Variants in SPATS2L observed in about 807,000 individuals in gnomAD.
SPATS2L encodes spermatogenesis associated serine rich 2 like, also known as SPATS2-like protein.
A neutral mutation model predicts 59.6 loss-of-function variants in SPATS2L; 30 were observed. The observed-to-expected ratio is 0.50, with a 90% CI of 0.38 to 0.68. The LOEUF (loss-of-function observed/expected upper bound fraction) is 0.68. Among genes scored for constraint, SPATS2L ranks in the 30% least tolerant of loss-of-function variants. The pLI is 0.00. For missense variants in SPATS2L, 615 were observed against 700.0 expected, an observed-to-expected ratio of 0.88 and a Z score of 1.37; for synonymous variants, 252 against 263.5, an observed-to-expected ratio of 0.96 and a Z score of 0.42.
chr2:200,317,257 A>ATG, intron 1 of SPATS2L, among the ~76,000 whole-genome samples: 1 of 152,384 alleles, frequency 6.6e-6, no homozygotes, highest in Middle Eastern at 3.4e-3. Flanking sequence ...ATTTTGAGTC[A>ATG]TGCCATTGCT....
chr2:200,429,803 A>T (rs1433696276), intron 6 of SPATS2L, among the ~76,000 whole-genome samples: 1 of 152,196 alleles, frequency 6.6e-6, no homozygotes. Context: ...CAGCTCCAGT[A>T]TCACAAAGTA....
chr2:200,437,577 G>T (rs956808676), intron 6 of SPATS2L, among the ~76,000 whole-genome samples: 1 of 152,108 alleles, frequency 6.6e-6, no homozygotes, highest in African/African-American at 2.4e-5. Flanking sequence ...GGATAAAATT[G>T]CATACTACCA....
chr2:200,349,217 G>T (rs903366613), intron 2 of SPATS2L, among the ~76,000 whole-genome samples: 1 of 152,182 alleles, frequency 6.6e-6, no homozygotes, highest in African/African-American at 2.4e-5. Context: ...TGTCACTTTA[G>T]ACCTTCTGGA....
At chr2:200,392,514 T>G (rs994447027) in intron 3 of SPATS2L, among the ~76,000 whole-genome samples, 13 of 152,212 alleles carry the variant, frequency 8.5e-5, no homozygotes, top group Non-Finnish European at 1.0e-4. Context: ...TGTGAGCCAC[T>G]CTAGCAAATT....
rs59073895 is a variant in SPATS2L, at chr2:200,477,515, T to TAAAA, written c.1282-101_1282-98dup. On this transcript the variant is annotated intron_variant, in intron 12 of 12. Transcript: ENST00000409140. ...CATGTTTTCTGATTCTTCTGGTGTA[T>TAAAA]AAAAAAAAAAAAAAAAAAAAAAAGC... is the stretch of plus-strand genomic sequence containing the variant. The TAAAA allele has an allele frequency of 2.1e-4, 63 of 302,670 alleles. 2 individuals are homozygous for TAAAA. In the African/African-American group the frequency reaches 2.3e-3, roughly 11 times the overall value. The allele number at this position is 302,670 out of a possible 1,614,324, so 18.7% of individuals were successfully genotyped here. A position where few individuals can be genotyped will look rare whatever the true frequency, so the allele number is the denominator to read the frequency against.
intron 2 of SPATS2L, among the ~76,000 whole-genome samples, chr2:200,357,345 A>C (rs2080950015): frequency 6.6e-6 from 1 of 152,148 alleles, no homozygotes; most frequent in South Asian, 2.1e-4. Flanking sequence ...TGGCTAAGTG[A>C]GGCCACTGAG....
intron 4 of SPATS2L, among the ~76,000 whole-genome samples, chr2:200,413,076 T>C (rs1255624318): frequency 6.6e-6 from 1 of 152,112 alleles, no homozygotes; most frequent in Non-Finnish European, 1.5e-5. Flanking sequence ...TAAATAAATG[T>C]GTCCTTTATT....
intron 2 of SPATS2L, among the ~76,000 whole-genome samples, chr2:200,372,927 C>T (rs962257152): frequency 4.6e-5 from 7 of 152,192 alleles, no homozygotes; most frequent in Non-Finnish European, 7.3e-5. Flanking sequence ...GTATCCCCAG[C>T]ACCTAGGATG....
intron 1 of SPATS2L, among the ~76,000 whole-genome samples, chr2:200,308,723 C>T (rs994214164): frequency 3.9e-5 from 6 of 152,124 alleles, no homozygotes; most frequent in African/African-American, 1.2e-4. Flanking sequence ...TAGCTAAAGA[C>T]GTTAGTAAAA....
rs1574307036 is a variant in SPATS2L at position 200,374,692 on chromosome 2, C to T, written c.-22-14531C>T. On this transcript the variant is annotated intron_variant, in intron 2 of 12. Coordinates refer to ENST00000409140, the MANE Select transcript of SPATS2L (RefSeq NM_001100423.2). ...CATTAGTAAGATAAAACAGACATTCCTAATTATTTGTCTCTACGAATCGGC... is the reference window on the plus strand; with the variant it reads ...CATTAGTAAGATAAAACAGACATTCTTAATTATTTGTCTCTACGAATCGGC... Among the ~76,000 whole-genome samples the T allele has an allele frequency of 2.0e-5, 3 of 152,230 alleles. No homozygotes were observed. The South Asian group carries it at 6.2e-4, about 32-fold the overall frequency.
chr2:200,410,210 A>C (rs1028278084), intron 3 of SPATS2L, among the ~76,000 whole-genome samples: 3 of 152,072 alleles, frequency 2.0e-5, no homozygotes, highest in Non-Finnish European at 4.4e-5. Flanking sequence ...GCTTGAAATA[A>C]ATGCTAGATT....
upstream of SPATS2L, chr2:200,306,484 G>C (rs12614621): frequency 0.42 from 423,721 of 1,001,814 alleles, 92,058 homozygotes; most frequent in East Asian, 0.73. Flanking sequence ...AGGGCGTGTG[G>C]AGGGACGAGA....
intron 2 of SPATS2L, among the ~76,000 whole-genome samples, chr2:200,356,957 C>G (rs2080937257): frequency 6.6e-6 from 1 of 152,150 alleles, no homozygotes; most frequent in South Asian, 2.1e-4. Context: ...TTTATGAGGG[C>G]AGAGCCATCA....
At chr2:200,333,911 AT>A (rs879855356) in intron 2 of SPATS2L, among the ~76,000 whole-genome samples, 5 of 152,008 alleles carry the variant, frequency 3.3e-5, no homozygotes, top group Non-Finnish European at 5.9e-5. Flanking sequence ...ATTGTTGGAC[AT>A]TTGGGTTGGT....
chr2:200,332,347 C>G (rs1380483898), intron 2 of SPATS2L, among the ~76,000 whole-genome samples: 2 of 151,988 alleles, frequency 1.3e-5, no homozygotes, highest in African/African-American at 4.8e-5. Flanking sequence ...TGGGCTAACA[C>G]AGTTCTCTTG....
chr2:200,412,424 G>T lies in SPATS2L; in HGVS notation c.148+5G>T. The T allele has an allele frequency of 4.6e-6, 7 of 1,522,474 alleles. No homozygotes were observed. Among genetic ancestry groups the T allele is most frequent in the Non-Finnish European group, 6.3e-6 (7 of 1,109,146 alleles). The allele number at this position is 1,522,474 out of a possible 1,614,324, so 94.3% of individuals were successfully genotyped here. A position where few individuals can be genotyped will look rare whatever the true frequency, so the allele number is the denominator to read the frequency against. On this transcript the variant is annotated splice_donor_5th_base_variant and intron_variant, in intron 4 of 12. Coordinates refer to ENST00000409140, the MANE Select transcript of SPATS2L (RefSeq NM_001100423.2). ...CCGTGCAAGCCTTTGTGGATGGTAG[G>T]TATACCTGTACCCTGCAGCTGAAGA...
rs1356776603 is a variant in SPATS2L at position 200,439,124 on chromosome 2, G to A, written c.448G>A (p.Gly150Ser). The change falls in exon 7 of 13, where the codon GGC becomes AGC. Residue 150 changes from glycine (G) to serine (S), a missense_variant and splice_region_variant. By Grantham distance (56) the Gly-to-Ser change is moderately conservative. Transcript: ENST00000409140. ...PSKALRGVTEGNRLLQQKLSL... is the reference protein window; with the variant it reads ...PSKALRGVTESNRLLQQKLSL... ...CATTATTTGGTGTTTTCTTACAGAAGGCAACAGACTACTGCAACAGAAACT... is the reference window on the plus strand; with the variant it reads ...CATTATTTGGTGTTTTCTTACAGAAAGCAACAGACTACTGCAACAGAAACT... 1.9e-6 allele frequency: 3 copies of A among 1,612,748 alleles called. No individual in the cohort carries two copies. Among genetic ancestry groups the A allele is most frequent in the Non-Finnish European group, 2.5e-6 (3 of 1,178,972 alleles).
At chr2:200,474,376 G>A (rs1419805539) in intron 12 of SPATS2L, among the ~76,000 whole-genome samples, 1 of 150,282 alleles carries the variant, frequency 6.7e-6, no homozygotes, top group Non-Finnish European at 1.5e-5. Context: ...GCACAATCTC[G>A]GCCCACTGCA....
intron 3 of SPATS2L, among the ~76,000 whole-genome samples, chr2:200,396,210 T>A (rs2082348721): frequency 6.6e-6 from 1 of 151,460 alleles, no homozygotes; most frequent in African/African-American, 2.4e-5. Flanking sequence ...TACGATGATA[T>A]GGAAATGGGG....
Sources: allele counts gnomAD v4.1 joint callset (sites outside exome capture counted in the v4.1 genomes callset), GRCh38; gene constraint gnomAD v4.1.1; transcripts MANE v1.5; gene names NCBI Gene and HGNC (gene_info 2026-07-23, HGNC 2026-07-21).